DISC1: variants seen among roughly 807,000 people sequenced by gnomAD.
DISC1 encodes disrupted in schizophrenia 1 protein.
DISC1 carries 57 observed loss-of-function variants against 84.5 expected under a neutral mutation model. The observed-to-expected ratio is 0.67, with a 90% CI of 0.55 to 0.84. The LOEUF (loss-of-function observed/expected upper bound fraction) is 0.84, where lower values mean the gene tolerates loss of function less well. Among genes scored for constraint, DISC1 ranks in the 40% least tolerant of loss-of-function variants. The pLI, the probability that DISC1 is intolerant of heterozygous loss-of-function variation, is 0.00. For synonymous variants in DISC1, 411 were observed against 415.2 expected, an observed-to-expected ratio of 0.99 and a Z score of 0.12; for missense variants, 1,000 against 1,057.8, an observed-to-expected ratio of 0.95 and a Z score of 0.76.
At chr1:231,722,604 A>G in intron 3 of DISC1, 1 of 1,614,208 alleles carries the variant, frequency 6.2e-7, no homozygotes, top group Non-Finnish European at 8.5e-7. Flanking sequence ...CCTATTAATG[A>G]AACTTCCCAA....
In DISC1 at chr1:231,771,229, G is replaced by A. The variant is rs1466917261; in HGVS notation, c.1634+159G>A. The A allele has an allele frequency of 3.5e-6, 5 of 1,447,930 alleles. No homozygotes were observed. The African/African-American group carries it at 5.7e-5, about 17-fold the overall frequency. The allele number at this position is 1,447,930 out of a possible 1,614,324, so 89.7% of individuals were successfully genotyped here. A position where few individuals can be genotyped will look rare whatever the true frequency, so the allele number is the denominator to read the frequency against. On this transcript the variant is annotated intron_variant, in intron 6 of 12. Transcript: ENST00000439617. ...GTTTTGGGTGGGAAAATTCTTCACG[G>A]TGTGGGGCAGTCCTGAACATTGCAA...
chr1:231,957,844 C>G (rs1053013640), intron 9 of DISC1, among the ~76,000 whole-genome samples: 10 of 152,144 alleles, frequency 6.6e-5, no homozygotes, highest in African/African-American at 2.4e-4. Flanking sequence ...TACACGTTGA[C>G]TGAAATAGAA....
intron 11 of DISC1, among the ~76,000 whole-genome samples, chr1:232,023,362 A>T (rs1453639404): frequency 6.6e-6 from 1 of 152,190 alleles, no homozygotes; most frequent in Non-Finnish European, 1.5e-5. Context: ...TAATGCCATC[A>T]TCTTTGCATG....
chr1:231,689,796 T>C (rs756321547), intron 1 of DISC1, among the ~76,000 whole-genome samples: 7 of 152,216 alleles, frequency 4.6e-5, no homozygotes, highest in Admixed American at 6.5e-5. Flanking sequence ...TAGTATAAAC[T>C]GGAAACAATT....
intron 3 of DISC1, among the ~76,000 whole-genome samples, chr1:231,734,594 C>A (rs2072228487): frequency 6.6e-6 from 1 of 152,064 alleles, no homozygotes; most frequent in African/African-American, 2.4e-5. Flanking sequence ...AGTACTTTTT[C>A]TATTTTAGTC....
intron 3 of DISC1, chr1:231,723,976 C>A (rs778284866): frequency 2.0e-6 from 2 of 985,450 alleles, no homozygotes; most frequent in Non-Finnish European, 2.4e-6. Context: ...GGAAACTCAC[C>A]ATGACCCTGT....
chr1:231,872,286 GA>G (rs967212040), intron 9 of DISC1, among the ~76,000 whole-genome samples: 4 of 151,398 alleles, frequency 2.6e-5, no homozygotes, highest in Non-Finnish European at 4.4e-5. Context: ...TCTTAGTAAT[GA>G]AAAAAAATGT....
chr1:231,800,624 A>G (rs201146995), intron 8 of DISC1, among the ~76,000 whole-genome samples: 5 of 152,142 alleles, frequency 3.3e-5, no homozygotes, highest in Non-Finnish European at 5.9e-5. Context: ...TCCTCAAAGG[A>G]TTATGCTCCC....
intron 1 of DISC1, 116 bp from the exon 2 acceptor site, chr1:231,693,710 C>T (rs1004958359): frequency 1.6e-5 from 24 of 1,518,504 alleles, no homozygotes; most frequent in African/African-American, 2.7e-5. Flanking sequence ...CAGCATCTAT[C>T]TTTGACAGGT....
chr1:231,951,256 G>A (rs1451083772), intron 9 of DISC1, among the ~76,000 whole-genome samples: 3 of 152,162 alleles, frequency 2.0e-5, no homozygotes, highest in Non-Finnish European at 2.9e-5. Flanking sequence ...TGGCTATTAG[G>A]GCAGTGATGG....
chr1:231,766,399 C>A (rs1023847084), intron 4 of DISC1, among the ~76,000 whole-genome samples: 1 of 149,752 alleles, frequency 6.7e-6, no homozygotes, highest in Non-Finnish European at 1.5e-5. Context: ...TTAAGTTCAA[C>A]ACTGTGATAA....
chr1:231,995,007 A>G (rs886091856), intron 10 of DISC1, among the ~76,000 whole-genome samples: 2 of 152,236 alleles, frequency 1.3e-5, no homozygotes, highest in Non-Finnish European at 2.9e-5. Context: ...ACTCTTTCTT[A>G]TATTACATTT....
chr1:231,868,276 T>A (rs933122740), intron 9 of DISC1, among the ~76,000 whole-genome samples: 5 of 152,094 alleles, frequency 3.3e-5, no homozygotes. Flanking sequence ...AGTCCGTATT[T>A]TCCCTCCCCT....
intron 8 of DISC1, among the ~76,000 whole-genome samples, chr1:231,810,837 C>T (rs1020785877): frequency 9.9e-5 from 15 of 152,172 alleles, no homozygotes; most frequent in Admixed American, 3.9e-4. Flanking sequence ...TCAATTGTTA[C>T]AGAAGTTATT....
In DISC1 at chr1:231,750,019, T is replaced by A; in HGVS notation, c.1211T>A (p.Phe404Tyr). 6.2e-7 allele frequency: 1 copy of A among 1,614,242 alleles called. No individual in the cohort carries two copies. Among genetic ancestry groups the A allele is most frequent in the Non-Finnish European group, 8.5e-7 (1 of 1,180,036 alleles). Residue 404 changes from phenylalanine (F) to tyrosine (Y), a missense_variant, in exon 4 of 13, where the codon TTC becomes TAC. Physicochemically the swap from Phe to Tyr is conservative, Grantham distance 22. Coordinates refer to ENST00000439617, the MANE Select transcript of DISC1 (RefSeq NM_018662.3). ...LPSRQPALSS[F>Y]LGHLAAQVQA... ...TCAAGGCAGCCAGCTCTTAGCAGTT[T>A]CCTGGGTCACCTGGCAGCACAAGTC... is the stretch of plus-strand genomic sequence containing the variant.
intron 10 of DISC1, among the ~76,000 whole-genome samples, chr1:231,990,290 A>G (rs535225778): frequency 1.3e-5 from 2 of 152,114 alleles, no homozygotes; most frequent in South Asian, 4.2e-4. Flanking sequence ...AGTCCTGGCC[A>G]CCACTAAAGG....
intron 11 of DISC1, among the ~76,000 whole-genome samples, chr1:232,019,146 A>T (rs1249119392): frequency 6.6e-6 from 1 of 152,182 alleles, no homozygotes; most frequent in Non-Finnish European, 1.5e-5. Flanking sequence ...TTACACACAC[A>T]GGGAGGAACT....
chr1:231,810,038 A>G (rs2080142399), intron 8 of DISC1, among the ~76,000 whole-genome samples: 1 of 152,222 alleles, frequency 6.6e-6, no homozygotes, highest in African/African-American at 2.4e-5. Context: ...TTGTATTTAA[A>G]TCACTTTTTT....
intron 9 of DISC1, among the ~76,000 whole-genome samples, chr1:231,891,076 C>T (rs2087169288): frequency 6.6e-6 from 1 of 152,164 alleles, no homozygotes; most frequent in African/African-American, 2.4e-5. Flanking sequence ...TGTCCTCTGG[C>T]TGAAGGCTAA....
Sources: allele counts gnomAD v4.1 joint callset (sites outside exome capture counted in the v4.1 genomes callset), GRCh38; gene constraint gnomAD v4.1.1; transcripts MANE v1.5; gene names NCBI Gene and HGNC (gene_info 2026-07-23, HGNC 2026-07-21).